The following FGGY variants were observed in gnomAD, a reference collection of about 807,000 sequenced individuals.
FGGY encodes the protein FGGY carbohydrate kinase domain-containing protein.
In FGGY, 72 loss-of-function variants were observed where a neutral mutation model predicts 71.3. That is an observed-to-expected ratio of 1.01 (90% CI 0.84 to 1.23). The LOEUF (loss-of-function observed/expected upper bound fraction) is 1.23, where lower values mean the gene tolerates loss of function less well. Ranked by LOEUF, FGGY falls within the 50% of genes most tolerant of loss-of-function variation. The pLI, the probability that FGGY is intolerant of heterozygous loss-of-function variation, is 0.00. For missense variants in FGGY, 668 were observed against 682.3 expected, an observed-to-expected ratio of 0.98 and a Z score of 0.23; for synonymous variants, 251 against 250.3, an observed-to-expected ratio of 1.00 and a Z score of -0.02.
chr1:59,631,831 A>G (rs1040417249), intron 10 of FGGY, among the ~76,000 whole-genome samples: 1 of 152,194 alleles, frequency 6.6e-6, no homozygotes, highest in Non-Finnish European at 1.5e-5. Flanking sequence ...GTAACTGGTA[A>G]CCAAAGTTTC....
intron 8 of FGGY, 44 bp downstream of exon 8, chr1:59,554,271 G>A: frequency 1.3e-6 from 2 of 1,510,650 alleles, no homozygotes; most frequent in East Asian, 4.6e-5. Flanking sequence ...CACAGCAGGA[G>A]GTAGCCTGGA....
intron 6 of FGGY, among the ~76,000 whole-genome samples, chr1:59,484,719 A>G (rs1176406857): frequency 6.6e-6 from 1 of 152,212 alleles, no homozygotes; most frequent in African/African-American, 2.4e-5. Flanking sequence ...GTTTTCAAAT[A>G]AAATTCACCA....
At chr1:59,671,123 T>A (rs751905723) in intron 13 of FGGY, among the ~76,000 whole-genome samples, 35 of 152,228 alleles carry the variant, frequency 2.3e-4, no homozygotes, top group Non-Finnish European at 4.4e-4. Flanking sequence ...AACAGTAATG[T>A]CCAGCCAAGA....
intron 7 of FGGY, among the ~76,000 whole-genome samples, chr1:59,545,291 G>A (rs1170464542): frequency 3.3e-5 from 5 of 152,184 alleles, no homozygotes; most frequent in Non-Finnish European, 2.9e-5. Context: ...TCGAGTCACA[G>A]TATTTGATCT....
chr1:59,642,840 G>A (rs2097050227), intron 11 of FGGY, among the ~76,000 whole-genome samples: 1 of 151,676 alleles, frequency 6.6e-6, no homozygotes, highest in African/African-American at 2.4e-5. Context: ...GACCATCCTG[G>A]CTAACATGGT....
At chr1:59,310,350 G>A (rs1160600846) in intron 1 of FGGY, among the ~76,000 whole-genome samples, 1 of 152,208 alleles carries the variant, frequency 6.6e-6, no homozygotes, top group Non-Finnish European at 1.5e-5. Flanking sequence ...AGAAAGCAGT[G>A]AGGGGAGAAA....
intron 14 of FGGY, among the ~76,000 whole-genome samples, chr1:59,734,965 A>G (rs540497629): frequency 2.4e-4 from 36 of 152,364 alleles, no homozygotes; most frequent in Middle Eastern, 3.4e-3. Flanking sequence ...TGGTTTCTGC[A>G]AATAAACTAG....
chr1:59,460,980 C>T (rs2092150509), intron 6 of FGGY, among the ~76,000 whole-genome samples: 1 of 152,130 alleles, frequency 6.6e-6, no homozygotes. Context: ...AGCAGAAAAG[C>T]TGAAAATTCT....
chr1:59,514,201 T>G (rs2094584442), intron 7 of FGGY, among the ~76,000 whole-genome samples: 2 of 152,186 alleles, frequency 1.3e-5, no homozygotes, highest in African/African-American at 4.8e-5. Flanking sequence ...CCACAAAAGC[T>G]TTCTCTGTCA....
Position 59,476,497 on chromosome 1 carries a change from G to A in FGGY, c.670+19421G>A, listed in dbSNP as rs74084879. 5.8e-3 allele frequency among the ~76,000 whole-genome samples: 876 copies of A among 152,298 alleles called. 8 individuals are homozygous for A. Among genetic ancestry groups the A allele is most frequent in the African/African-American group, 0.02 (842 of 41,554 alleles). ...GCTGCAGTCTCCTGGCCTGGGCTGC[G>A]CTGATACAGCTGCAGTTCTCAGACT... On this transcript the variant is annotated intron_variant, in intron 6 of 15. Transcript: ENST00000303721.
At chr1:59,348,703 C>T (rs906346409) in intron 4 of FGGY, among the ~76,000 whole-genome samples, 3 of 152,108 alleles carry the variant, frequency 2.0e-5, no homozygotes, top group African/African-American at 7.2e-5. Flanking sequence ...ATTGCCATCA[C>T]GGGGCAGGAG....
chr1:59,697,329 C>T (rs1034995290), intron 14 of FGGY, among the ~76,000 whole-genome samples: 1 of 152,178 alleles, frequency 6.6e-6, no homozygotes, highest in Non-Finnish European at 1.5e-5. Context: ...TGAAACTTTA[C>T]CCGTTAAACA....
intron 1 of FGGY, among the ~76,000 whole-genome samples, chr1:59,320,981 A>G (rs1456489876): frequency 6.6e-6 from 1 of 152,222 alleles, no homozygotes; most frequent in Non-Finnish European, 1.5e-5. Flanking sequence ...ATCTCTTGGA[A>G]TCTCACCTTG....
rs535298528 is a variant in FGGY at position 59,380,552 on chromosome 1, A to G, written c.554+1715A>G. 3.3e-5 allele frequency among the ~76,000 whole-genome samples: 5 copies of G among 151,692 alleles called. No homozygotes were observed. In the South Asian group the frequency reaches 8.3e-4, roughly 25 times the overall value. On this transcript the variant is annotated intron_variant, in intron 5 of 15. Coordinates refer to ENST00000303721, the MANE Select transcript of FGGY (RefSeq NM_018291.5). ...TGCATTTCTCTGATGGCCAGTGATG[A>G]TGAGCATTTTTTCATGTGTCTTCTG...
intron 8 of FGGY, among the ~76,000 whole-genome samples, chr1:59,567,566 C>G (rs1221606570): frequency 1.3e-5 from 2 of 152,032 alleles, no homozygotes; most frequent in African/African-American, 4.8e-5. Context: ...CATCTGTTTG[C>G]ATGATAAAAT....
intron 14 of FGGY, 123 bp from the exon 15 acceptor site, chr1:59,757,808 A>G (rs1198276496): frequency 3.1e-5 from 19 of 615,394 alleles, no homozygotes; most frequent in Middle Eastern, 3.6e-4. Context: ...AGTTGAAAAA[A>G]AAGAGGACTA....
chr1:59,758,119 A>C (rs1468479780), intron 15 of FGGY, 127 bp downstream of exon 15: 4 of 612,524 alleles, frequency 6.5e-6, no homozygotes, highest in Middle Eastern at 3.5e-4. Flanking sequence ...GGTTAAGAAA[A>C]CTAAGTTCCA....
chr1:59,424,962 A>T (rs909494453), intron 5 of FGGY, among the ~76,000 whole-genome samples: 2 of 152,152 alleles, frequency 1.3e-5, no homozygotes, highest in Non-Finnish European at 2.9e-5. Flanking sequence ...TCTATTGGAA[A>T]GAATATGGGT....
Position 59,541,259 on chromosome 1 carries a change from T to A in FGGY, c.800-12865T>A, listed in dbSNP as rs142877138. Reference sequence around the variant, plus strand: ...CTCTGCCTTGGGCCACACAGCCCCATAGAAAGATGATGGAAGGGAGAAGAA... The same window carrying A: ...CTCTGCCTTGGGCCACACAGCCCCAAAGAAAGATGATGGAAGGGAGAAGAA... On this transcript the variant is annotated intron_variant, in intron 7 of 15. Transcript: ENST00000303721. Among the ~76,000 whole-genome samples, 23 of 152,180 alleles carry A rather than the reference T, an allele frequency of 1.5e-4. 1 individual carries two copies. In the East Asian group the frequency reaches 4.3e-3, roughly 28 times the overall value.
Sources: allele counts gnomAD v4.1 joint callset (sites outside exome capture counted in the v4.1 genomes callset), GRCh38; gene constraint gnomAD v4.1.1; transcripts MANE v1.5; gene names NCBI Gene and HGNC (gene_info 2026-07-23, HGNC 2026-07-21).